The following SLC22A23 variants were observed in gnomAD, a reference collection of about 807,000 sequenced individuals.
The protein encoded by SLC22A23 is ion transporter protein.
In SLC22A23, 26 loss-of-function variants were observed where a neutral mutation model predicts 61.0. The ratio of observed to expected loss-of-function variants is 0.43; its 90% CI spans 0.31 to 0.59. The LOEUF is 0.59. SLC22A23 is among the 20% of genes least tolerant of loss of function. SLC22A23 has a pLI of 0.11. For synonymous variants in SLC22A23, 430 were observed against 413.9 expected (o/e 1.04, Z -0.47); for missense variants, 796 against 934.7 (o/e 0.85, Z 1.94).
chr6:3,451,464 T>A (rs1296721142), intron 1 of SLC22A23, among the ~76,000 whole-genome samples: 1 of 152,282 alleles, frequency 6.6e-6, no homozygotes, highest in Non-Finnish European at 1.5e-5. Context: ...CCCAAAGTGC[T>A]GGGATTACAG....
intron 6 of SLC22A23, among the ~76,000 whole-genome samples, chr6:3,287,683 T>TG (rs1554134150): frequency 5.2e-5 from 6 of 116,502 alleles, no homozygotes; most frequent in Non-Finnish European, 5.5e-5. Context: ...CTGTTTTTTT[T>TG]TTTGTTTTGT....
At chr6:3,292,261 G>C (rs891178040) in intron 5 of SLC22A23, among the ~76,000 whole-genome samples, 1 of 152,176 alleles carries the variant, frequency 6.6e-6, no homozygotes, top group East Asian at 1.9e-4. Flanking sequence ...TCTCCCATCC[G>C]GCCCTCAAGG....
chr6:3,324,817 C>T lies in SLC22A23; in HGVS notation c.914-815G>A, dbSNP rs1284869483. On this transcript the variant is annotated intron_variant, in intron 3 of 9. Coordinates refer to ENST00000406686, the MANE Select transcript of SLC22A23 (RefSeq NM_015482.2). This position sits in a 1 kb window ranked among gnomAD's most constrained non-coding sequence, Gnocchi z 4.3. Reference sequence around the variant, plus strand: ...ACAGTGTCTATTTTCAACAAATGACCACGGCCCCTCTTATTTGCAAGAATC... The same window carrying T: ...ACAGTGTCTATTTTCAACAAATGACTACGGCCCCTCTTATTTGCAAGAATC... 6.6e-6 allele frequency among the ~76,000 whole-genome samples: 1 copy of T among 152,150 alleles called. No homozygotes were observed. Among genetic ancestry groups the T allele is most frequent in the Non-Finnish European group, 1.5e-5 (1 of 68,032 alleles).
Position 3,410,388 on chromosome 6 carries a change from C to G in SLC22A23, c.759-46G>C. On this transcript the variant is annotated intron_variant, in intron 2 of 9. Transcript: ENST00000406686. The surrounding 1 kb of genome is among the most constrained non-coding windows in gnomAD (Gnocchi z 5.0). ...AGTTAGGAATCATTGTGAAACAAGACAATGACGCTAGATGCTGAAACCCGG... is the reference window on the plus strand; with the variant it reads ...AGTTAGGAATCATTGTGAAACAAGAGAATGACGCTAGATGCTGAAACCCGG... 1.3e-6 allele frequency: 2 copies of G among 1,526,716 alleles called. No homozygotes were observed. Among genetic ancestry groups the G allele is most frequent in the Middle Eastern group, 1.7e-4 (1 of 5,720 alleles). The allele number at this position is 1,526,716 out of a possible 1,614,324, so 94.6% of individuals were successfully genotyped here.
chr6:3,283,767 G>A lies in SLC22A23; in HGVS notation c.1703+85C>T, dbSNP rs765953764. On this transcript the variant is annotated intron_variant, in intron 9 of 9. Coordinates refer to ENST00000406686, the MANE Select transcript of SLC22A23 (RefSeq NM_015482.2). ...AGAGCCAGAGACAGAGCTGACGCTG[G>A]TTAATCCCACACCAGCCTGGAGCCA... 3 of 1,589,912 alleles carry A rather than the reference G, an allele frequency of 1.9e-6. No individual in the cohort carries two copies. In the South Asian group the frequency reaches 3.4e-5, roughly 18 times the overall value.
chr6:3,295,848 C>T (rs1425566094), intron 5 of SLC22A23, among the ~76,000 whole-genome samples: 1 of 152,178 alleles, frequency 6.6e-6, no homozygotes, highest in Non-Finnish European at 1.5e-5. Context: ...GGACCGCTCC[C>T]CAAGGAGGTG....
rs541983159 is a variant in SLC22A23, at chr6:3,328,619, G to A, written c.914-4617C>T. On this transcript the variant is annotated intron_variant, in intron 3 of 9. Coordinates refer to ENST00000406686, the MANE Select transcript of SLC22A23 (RefSeq NM_015482.2). The surrounding 1 kb of genome is among the most constrained non-coding windows in gnomAD (Gnocchi z 5.0). Reference sequence around the variant, plus strand: ...TGTTGAAAGACCTGAACATAGGGCCGAGGCTTCCTTGAGGAGGAAGAAGAT... The same window carrying A: ...TGTTGAAAGACCTGAACATAGGGCCAAGGCTTCCTTGAGGAGGAAGAAGAT... Among the ~76,000 whole-genome samples the A allele has an allele frequency of 3.3e-5, 5 of 152,090 alleles. No individual in the cohort carries two copies. In the South Asian group the frequency reaches 6.2e-4, roughly 19 times the overall value.
At chr6:3,434,844 T>C (rs1771103344) in intron 1 of SLC22A23, among the ~76,000 whole-genome samples, 1 of 152,064 alleles carries the variant, frequency 6.6e-6, no homozygotes, top group Non-Finnish European at 1.5e-5. Context: ...AGGAAATAGA[T>C]CTCTAGGCCA....
intron 3 of SLC22A23, among the ~76,000 whole-genome samples, chr6:3,369,328 C>G (rs1766051290): frequency 6.6e-6 from 1 of 152,172 alleles, no homozygotes; most frequent in African/African-American, 2.4e-5. Flanking sequence ...TAATTTTTCT[C>G]CAACCCTTCA....
chr6:3,442,907 C>G (rs979908505), intron 1 of SLC22A23, among the ~76,000 whole-genome samples: 1 of 152,086 alleles, frequency 6.6e-6, no homozygotes, highest in Non-Finnish European at 1.5e-5. Flanking sequence ...CTCTTTGGTT[C>G]TCTGTTCAGA....
chr6:3,289,832 C>G lies in SLC22A23; in HGVS notation c.1245G>C (p.Lys415Asn), dbSNP rs777859676. 5 of 1,613,908 alleles carry G rather than the reference C, an allele frequency of 3.1e-6. No homozygotes were observed. In the African/African-American group the frequency reaches 6.7e-5, roughly 22 times the overall value. ...LEKELSRRPKKVCIVKVVGTR... is the reference protein window; with the variant it reads ...LEKELSRRPKNVCIVKVVGTR... ...TCCCCACCACCTTCACGATGCAGAC[C>G]TTCTTGGGCCTCCGGGAAAGCTCTT... Residue 415 changes from lysine to asparagine, a missense_variant, in exon 6 of 10, where the codon AAG (lysine) becomes AAC (asparagine). Lys to Asn is a moderately conservative substitution (Grantham distance 94, BLOSUM62 0). Transcript: ENST00000406686.
At position 3,323,913 on chromosome 6, in the gene SLC22A23, G is replaced by A; in HGVS notation, c.1003C>T (p.Leu335=). 6.2e-7 allele frequency: 1 copy of A among 1,614,224 alleles called. No individual in the cohort carries two copies. Among genetic ancestry groups the A allele is most frequent in the Non-Finnish European group, 8.5e-7 (1 of 1,180,044 alleles). The part of the protein sequence containing the change: ...AMAGQFLMPG[L]AALCRDWQVL... Reference sequence around the variant, plus strand: ...TGCCAATCCCGGCACAGGGCGGCTAGCCCAGGCATGAGGAACTGGCCCGCC... The same window carrying A: ...TGCCAATCCCGGCACAGGGCGGCTAACCCAGGCATGAGGAACTGGCCCGCC... The change falls in exon 4 of 10, where the codon CTA becomes TTA. Residue 335 remains leucine (L), a synonymous_variant. Transcript: ENST00000406686.
At chr6:3,316,642 A>G (rs1042251193) in intron 4 of SLC22A23, among the ~76,000 whole-genome samples, 2 of 152,150 alleles carry the variant, frequency 1.3e-5, no homozygotes, top group African/African-American at 4.8e-5. Context: ...GCAGACGAGC[A>G]CGTTGTTTTT....
chr6:3,455,786 G>T, intron 1 of SLC22A23, 120 bp downstream of exon 1: 1 of 1,230,266 alleles, frequency 8.1e-7, no homozygotes, highest in East Asian at 2.6e-5. Context: ...AGCCAATGCG[G>T]AATGCCCTAC....
At chr6:3,368,937 C>T (rs138931576) in intron 3 of SLC22A23, among the ~76,000 whole-genome samples, 76 of 152,174 alleles carry the variant, frequency 5.0e-4, no homozygotes, top group African/African-American at 1.5e-3. Context: ...AGGAAGAACC[C>T]GCTGACACAC....
chr6:3,376,352 T>C (rs1766564329), intron 3 of SLC22A23, among the ~76,000 whole-genome samples: 1 of 152,134 alleles, frequency 6.6e-6, no homozygotes, highest in Non-Finnish European at 1.5e-5. Context: ...CCCACTGTCC[T>C]CCTCTGAAGT....
intron 4 of SLC22A23, chr6:3,323,140 G>C (rs556519067): frequency 7.3e-6 from 3 of 412,666 alleles, no homozygotes; most frequent in African/African-American, 6.2e-5. Flanking sequence ...AAAGCTAGCA[G>C]GTCAAAAGAC....
chr6:3,352,223 G>A (rs1015214804), intron 3 of SLC22A23, among the ~76,000 whole-genome samples: 6 of 151,844 alleles, frequency 4.0e-5, no homozygotes, highest in African/African-American at 9.7e-5. Context: ...CCACGTACAC[G>A]GACATGTACA....
At chr6:3,302,095 T>C (rs1761653447) in intron 4 of SLC22A23, among the ~76,000 whole-genome samples, 1 of 152,266 alleles carries the variant, frequency 6.6e-6, no homozygotes, top group Non-Finnish European at 1.5e-5. Context: ...AGACTTTTTA[T>C]GACTGATTCA....
Sources: allele counts gnomAD v4.1 joint callset (sites outside exome capture counted in the v4.1 genomes callset), GRCh38; gene constraint gnomAD v4.1.1; non-coding constraint Gnocchi (gnomAD v3.1); transcripts MANE v1.5; gene names NCBI Gene and HGNC (gene_info 2026-07-23, HGNC 2026-07-21).